The following RAB3C variants were observed in gnomAD, a reference collection of about 807,000 sequenced individuals.
RAB3C encodes the protein ras-related protein Rab-3C.
A neutral mutation model predicts 26.4 loss-of-function variants in RAB3C; 17 were observed. The observed-to-expected ratio is 0.64, with a 90% confidence interval of 0.44 to 0.97. RAB3C has a LOEUF of 0.97. Ranked by LOEUF, RAB3C falls within the 50% of genes least tolerant of loss-of-function variation. The probability of loss-of-function intolerance (pLI) is 0.00; values close to 1 mark genes in which losing one functional copy is unlikely to be tolerated. For synonymous variants in RAB3C, 91 were observed against 95.9 expected (o/e 0.95, Z 0.30); for missense variants, 242 against 281.9 (o/e 0.86, Z 1.01).
chr5:58,710,599 A>AAAATATCT (rs369239366), intron 2 of RAB3C, among the ~76,000 whole-genome samples: 2 of 135,580 alleles, frequency 1.5e-5, no homozygotes, highest in South Asian at 4.7e-4. Context: ...ACTCTGTCTC[A>AAAATATCT]AAATAAATAA....
At chr5:58,636,331 A>G (rs1309278957) in intron 2 of RAB3C, among the ~76,000 whole-genome samples, 1 of 152,146 alleles carries the variant, frequency 6.6e-6, no homozygotes, top group Admixed American at 6.5e-5. Flanking sequence ...TCCTTTTAGA[A>G]ACTACATTCC....
chr5:58,615,673 C>T (rs573613826), intron 1 of RAB3C, among the ~76,000 whole-genome samples: 4 of 152,098 alleles, frequency 2.6e-5, no homozygotes, highest in South Asian at 2.1e-4. Flanking sequence ...TTTTAGAGGC[C>T]GACCTCTGCC....
At chr5:58,627,515 A>AAAAAAAAAAAAAAAAAAACAAAAAC (rs1325212744) in intron 2 of RAB3C, among the ~76,000 whole-genome samples, 1 of 60,558 alleles carries the variant, frequency 1.7e-5, no homozygotes, top group Non-Finnish European at 3.3e-5. Context: ...AAAAAAAAAA[A>AAAAAAAAAAAAAAAAAAACAAAAAC]AAAACACAGC....
intron 2 of RAB3C, among the ~76,000 whole-genome samples, chr5:58,671,569 CT>C (rs1055882867): frequency 5.9e-5 from 9 of 152,158 alleles, no homozygotes; most frequent in African/African-American, 1.9e-4. Context: ...TAAAAATCAC[CT>C]GATATAATTA....
intron 3 of RAB3C, among the ~76,000 whole-genome samples, chr5:58,799,030 A>G (rs561302949): frequency 1.3e-5 from 2 of 152,342 alleles, no homozygotes; most frequent in South Asian, 4.1e-4. Context: ...TGGGGGGAAG[A>G]AACATTAGGT....
intron 3 of RAB3C, among the ~76,000 whole-genome samples, chr5:58,770,099 A>G (rs139764697): frequency 6.6e-6 from 1 of 152,278 alleles, no homozygotes; most frequent in Admixed American, 6.5e-5. Flanking sequence ...GGTAATTATT[A>G]ATATGTTCTG....
At chr5:58,660,906 G>A (rs1747891797) in intron 2 of RAB3C, among the ~76,000 whole-genome samples, 1 of 150,106 alleles carries the variant, frequency 6.7e-6, no homozygotes, top group Admixed American at 6.6e-5. Flanking sequence ...GTGAGTCATA[G>A]GACCCATCTA....
At chr5:58,813,578 A>C (rs1296430553) in intron 3 of RAB3C, among the ~76,000 whole-genome samples, 6 of 50,200 alleles carry the variant, frequency 1.2e-4, no homozygotes, top group Admixed American at 5.7e-4. Flanking sequence ...GTTATGGTTA[A>C]TTTATATTTA....
intron 2 of RAB3C, among the ~76,000 whole-genome samples, chr5:58,713,284 C>T (rs1359092499): frequency 6.6e-6 from 1 of 152,146 alleles, no homozygotes; most frequent in Non-Finnish European, 1.5e-5. Context: ...GGCCACACAG[C>T]AATGCAGGAA....
Position 58,726,246 on chromosome 5 carries a change from T to C in RAB3C, c.371+126T>C, listed in dbSNP as rs867210774. ...GTTTACATTACACTACAATCCCGCT[T>C]GTGCTTCATTTAAAAAAAAATGCTG... On this transcript the variant is annotated intron_variant, in intron 3 of 4. Transcript: ENST00000282878. 3 of 507,376 alleles carry C rather than the reference T, an allele frequency of 5.9e-6. No homozygotes were observed. The Middle Eastern group carries it at 8.8e-4, about 149-fold the overall frequency. 31.4% of individuals were successfully genotyped at this position (507,376 alleles called of 1,614,324 possible).
At chr5:58,659,786 T>C (rs568425564) in intron 2 of RAB3C, among the ~76,000 whole-genome samples, 1 of 152,232 alleles carries the variant, frequency 6.6e-6, no homozygotes, top group Non-Finnish European at 1.5e-5. Context: ...ATCAGTCTTA[T>C]GATGATCCCT....
At chr5:58,640,061 A>G (rs1747381368) in intron 2 of RAB3C, among the ~76,000 whole-genome samples, 1 of 152,200 alleles carries the variant, frequency 6.6e-6, no homozygotes, top group Admixed American at 6.5e-5. Flanking sequence ...ACAGGGGCAT[A>G]ATATAAAAGT....
intron 3 of RAB3C, among the ~76,000 whole-genome samples, chr5:58,754,992 C>T (rs1741624277): frequency 6.6e-6 from 1 of 151,724 alleles, no homozygotes; most frequent in African/African-American, 2.4e-5. Context: ...AAAAAAAAAT[C>T]ACATTGGCTT....
chr5:58,713,860 T>C (rs948419903), intron 2 of RAB3C, among the ~76,000 whole-genome samples: 1 of 152,180 alleles, frequency 6.6e-6, no homozygotes, highest in African/African-American at 2.4e-5. Flanking sequence ...TACTTACATA[T>C]AGTTGGAATT....
At chr5:58,757,619 G>A (rs965317312) in intron 3 of RAB3C, among the ~76,000 whole-genome samples, 3 of 152,136 alleles carry the variant, frequency 2.0e-5, no homozygotes, top group Admixed American at 6.5e-5. Flanking sequence ...TCCTTCATTG[G>A]TGATGTTAAC....
At chr5:58,645,398 G>T (rs185327528) in intron 2 of RAB3C, among the ~76,000 whole-genome samples, 251 of 152,298 alleles carry the variant, frequency 1.6e-3, no homozygotes, top group African/African-American at 5.7e-3. Context: ...TTACAAAGAT[G>T]CATGAAATAC....
intron 4 of RAB3C, among the ~76,000 whole-genome samples, chr5:58,830,195 T>G (rs1025739219): frequency 1.3e-5 from 2 of 152,188 alleles, no homozygotes; most frequent in African/African-American, 4.8e-5. Flanking sequence ...TTCAAGGAAA[T>G]AGTCTCTTGA....
At chr5:58,824,924 G>T in intron 3 of RAB3C, 114 bp from the exon 4 acceptor site, 1 of 616,678 alleles carries the variant, frequency 1.6e-6, no homozygotes. Flanking sequence ...TTTGGACATC[G>T]TGTTTTTTTT....
At chr5:58,754,034 C>T (rs1356056042) in intron 3 of RAB3C, among the ~76,000 whole-genome samples, 1 of 151,994 alleles carries the variant, frequency 6.6e-6, no homozygotes, top group East Asian at 1.9e-4. Flanking sequence ...GGTTGGAAGT[C>T]GGAGACAGCA....
Sources: gnomAD v4.1 joint callset for allele counts (sites outside exome capture counted in the v4.1 genomes callset) on GRCh38, gnomAD v4.1.1 for gene constraint, MANE v1.5 for transcripts, NCBI Gene and HGNC (gene_info 2026-07-23, HGNC 2026-07-21) for gene names.